The following PSMB7 variants were observed in gnomAD, a reference collection of about 807,000 sequenced individuals.
PSMB7 encodes the protein proteasome 20S subunit beta 7, also known as proteasome subunit beta type-7.
PSMB7 carries 5 observed loss-of-function variants against 28.1 expected under a neutral mutation model. That is an observed-to-expected ratio of 0.18 (90% CI 0.09 to 0.37). PSMB7 has a LOEUF of 0.37. Ranked by LOEUF, PSMB7 falls within the 10% of genes least tolerant of loss-of-function variation. PSMB7 has a pLI of 1.00. For synonymous variants in PSMB7, 122 were observed against 123.7 expected (o/e 0.99, Z 0.09); for missense variants, 275 against 346.2 (o/e 0.79, Z 1.63).
At chr9:124,399,136 A>G (rs1830873072) in intron 5 of PSMB7, among the ~76,000 whole-genome samples, 1 of 152,204 alleles carries the variant, frequency 6.6e-6, no homozygotes, top group African/African-American at 2.4e-5. Context: ...CTGCTAGTTC[A>G]CAAACAATGA....
At chr9:124,363,963 G>A (rs1588568262) in intron 6 of PSMB7, among the ~76,000 whole-genome samples, 1 of 152,156 alleles carries the variant, frequency 6.6e-6, no homozygotes, top group African/African-American at 2.4e-5. Context: ...GTCACTCTCT[G>A]AGCCAAAGAG....
chr9:124,397,967 A>C (rs1367628165), intron 5 of PSMB7, among the ~76,000 whole-genome samples: 1 of 152,210 alleles, frequency 6.6e-6, no homozygotes, highest in Non-Finnish European at 1.5e-5. Flanking sequence ...CAGGAGTTCA[A>C]GACCAGCCTG....
At chr9:124,376,077 T>C (rs2131154517) in intron 6 of PSMB7, among the ~76,000 whole-genome samples, 1 of 152,344 alleles carries the variant, frequency 6.6e-6, no homozygotes, top group African/African-American at 2.4e-5. Flanking sequence ...AGAACAATCG[T>C]TGACAAAGAT....
chr9:124,362,271 G>A (rs751684270), intron 6 of PSMB7, among the ~76,000 whole-genome samples: 1 of 152,232 alleles, frequency 6.6e-6, no homozygotes, highest in East Asian at 1.9e-4. Context: ...TGAAGAGCTG[G>A]CCTAGGGGGC....
chr9:124,378,927 A>C (rs190646790), intron 6 of PSMB7, among the ~76,000 whole-genome samples: 4 of 152,358 alleles, frequency 2.6e-5, no homozygotes, highest in Non-Finnish European at 5.9e-5. Flanking sequence ...TTTCCTGTCC[A>C]GCTAAGCTAG....
At chr9:124,370,286 C>A (rs760518691) in intron 6 of PSMB7, among the ~76,000 whole-genome samples, 1 of 150,536 alleles carries the variant, frequency 6.6e-6, no homozygotes, top group African/African-American at 2.4e-5. Flanking sequence ...TTTGTTCCGA[C>A]CATAATCATT....
At chr9:124,403,226 T>C (rs1830929732) in intron 5 of PSMB7, among the ~76,000 whole-genome samples, 1 of 151,998 alleles carries the variant, frequency 6.6e-6, no homozygotes, top group Non-Finnish European at 1.5e-5. Flanking sequence ...TTTATCACTA[T>C]TTTTTGCAGT....
chr9:124,382,690 ACTGAT>A (rs1344497308), intron 6 of PSMB7, among the ~76,000 whole-genome samples: 1 of 152,240 alleles, frequency 6.6e-6, no homozygotes, highest in Admixed American at 6.5e-5. Flanking sequence ...TATGGACACA[ACTGAT>A]CTAAGAAACA....
chr9:124,400,892 G>A (rs1168023032), intron 5 of PSMB7, among the ~76,000 whole-genome samples: 2 of 152,170 alleles, frequency 1.3e-5, no homozygotes, highest in Non-Finnish European at 2.9e-5. Flanking sequence ...AAGAAGAATG[G>A]GTCAGCAAGC....
rs200327855 is a variant in PSMB7 at position 124,356,826 on chromosome 9, G to A, written c.660C>T (p.Val220=). The stretch of plus-strand genomic sequence containing the variant: ...GAAAATCCAGCTTGTTCTTGCTGAT[G>A]ACGCAGAGGTCAATGTTGCTTCCGG... The part of the protein sequence containing the change: ...LGSGSNIDLC[V]ISKNKLDFLR... The change falls in exon 7 of 8, where the codon GTC becomes GTT. Residue 220 remains valine (V), a synonymous_variant. Transcript: ENST00000259457. This position sits in a 1 kb window ranked among gnomAD's most constrained non-coding sequence, Gnocchi z 4.4. 1.2e-6 allele frequency: 2 copies of A among 1,614,180 alleles called. No homozygotes were observed. The highest frequency in any genetic ancestry group is 8.5e-7 in the Non-Finnish European group (1 of 1,180,028).
chr9:124,402,833 T>G (rs1455348074), intron 5 of PSMB7, among the ~76,000 whole-genome samples: 1 of 152,196 alleles, frequency 6.6e-6, no homozygotes, highest in African/African-American at 2.4e-5. Context: ...AATAAAGCAA[T>G]TCAGAACAAT....
chr9:124,398,209 G>C (rs897337871), intron 5 of PSMB7, among the ~76,000 whole-genome samples: 58 of 151,278 alleles, frequency 3.8e-4, no homozygotes, highest in African/African-American at 1.4e-3. Context: ...GCAATTCTGA[G>C]TTCTCTCTCA....
At chr9:124,390,556 T>C (rs1274215972) in intron 5 of PSMB7, among the ~76,000 whole-genome samples, 1 of 152,182 alleles carries the variant, frequency 6.6e-6, no homozygotes, top group Non-Finnish European at 1.5e-5. Flanking sequence ...AAGAGATCCA[T>C]GCTATAGTAT....
chr9:124,391,064 C>A (rs1830782258), intron 5 of PSMB7, among the ~76,000 whole-genome samples: 1 of 152,196 alleles, frequency 6.6e-6, no homozygotes, highest in African/African-American at 2.4e-5. Flanking sequence ...TGGGGCTAGA[C>A]CCCACTTATC....
At chr9:124,406,875 A>T (rs1196998051) in intron 4 of PSMB7, among the ~76,000 whole-genome samples, 1 of 151,942 alleles carries the variant, frequency 6.6e-6, no homozygotes, top group East Asian at 1.9e-4. Context: ...TGTTACTCCT[A>T]ACGTGGGAGG....
At chr9:124,362,555 G>C (rs1830472848) in intron 6 of PSMB7, among the ~76,000 whole-genome samples, 1 of 152,158 alleles carries the variant, frequency 6.6e-6, no homozygotes, top group African/African-American at 2.4e-5. Flanking sequence ...AACCACTAAG[G>C]ATTTAACTCG....
At position 124,406,324 on chromosome 9, in the gene PSMB7, G is replaced by A. The variant is rs770112066; in HGVS notation, c.396-892C>T. ...TCAAGACCAGCCTGGGCAATATGGCGAGACCCTGTCTACAAAAAATACAAA... is the reference window on the plus strand; with the variant it reads ...TCAAGACCAGCCTGGGCAATATGGCAAGACCCTGTCTACAAAAAATACAAA... On this transcript the variant is annotated intron_variant, in intron 4 of 7. Coordinates refer to ENST00000259457, the MANE Select transcript of PSMB7 (RefSeq NM_002799.4). Among the ~76,000 whole-genome samples, 85 of 151,636 alleles carry A rather than the reference G, an allele frequency of 5.6e-4. 1 individual carries two copies. Among genetic ancestry groups the A allele is most frequent in the East Asian group, 5.8e-4 (3 of 5,142 alleles).
chr9:124,412,799 G>A (rs1425030914), intron 3 of PSMB7, among the ~76,000 whole-genome samples: 2 of 152,114 alleles, frequency 1.3e-5, no homozygotes, highest in Non-Finnish European at 2.9e-5. Context: ...TGCCAGGTGT[G>A]TTAACTCTTG....
chr9:124,386,956 C>A (rs1453444590), intron 5 of PSMB7, among the ~76,000 whole-genome samples: 1 of 151,948 alleles, frequency 6.6e-6, no homozygotes, highest in Non-Finnish European at 1.5e-5. Flanking sequence ...TCTTTAAAAC[C>A]TTTTTCCTGG....
Sources: allele counts gnomAD v4.1 joint callset (sites outside exome capture counted in the v4.1 genomes callset), GRCh38; gene constraint gnomAD v4.1.1; non-coding constraint Gnocchi (gnomAD v3.1); transcripts MANE v1.5; gene names NCBI Gene and HGNC (gene_info 2026-07-23, HGNC 2026-07-21).